The following ZC3H12C variants were observed in gnomAD, a reference collection of about 807,000 sequenced individuals.
The protein encoded by ZC3H12C is probable ribonuclease ZC3H12C.
Under a neutral mutation model 76.3 loss-of-function variants are expected in ZC3H12C, and 20 were observed. That is an observed-to-expected ratio of 0.26 (90% CI 0.18 to 0.38). The LOEUF (loss-of-function observed/expected upper bound fraction) is 0.38, where lower values mean the gene tolerates loss of function less well. ZC3H12C is among the 10% of genes least tolerant of loss of function. The probability of loss-of-function intolerance (pLI) is 1.00; values close to 1 mark genes in which losing one functional copy is unlikely to be tolerated. For synonymous variants in ZC3H12C, 352 were observed against 399.6 expected, an observed-to-expected ratio of 0.88 and a Z score of 1.42; for missense variants, 874 against 1,086.5, an observed-to-expected ratio of 0.80 and a Z score of 2.75.
chr11:110,140,313 C>T (rs2134180325), intron 2 of ZC3H12C, among the ~76,000 whole-genome samples: 1 of 152,222 alleles, frequency 6.6e-6, no homozygotes, highest in Admixed American at 6.5e-5. Context: ...CAAATTCTAG[C>T]GAGCTATCCA....
At chr11:110,126,122 G>A (rs1246588371) in intron 1 of ZC3H12C, among the ~76,000 whole-genome samples, 1 of 151,066 alleles carries the variant, frequency 6.6e-6, no homozygotes, top group Non-Finnish European at 1.5e-5. Flanking sequence ...TAGTTGCTTA[G>A]TATTTTTAGG....
At chr11:110,115,209 C>T (rs1861502955) in intron 1 of ZC3H12C, among the ~76,000 whole-genome samples, 1 of 152,038 alleles carries the variant, frequency 6.6e-6, no homozygotes, top group Non-Finnish European at 1.5e-5. Context: ...TGGGCTCAAG[C>T]GATCCTCCTG....
At chr11:110,110,383 G>C (rs560984487) in intron 1 of ZC3H12C, among the ~76,000 whole-genome samples, 5 of 152,190 alleles carry the variant, frequency 3.3e-5, no homozygotes, top group African/African-American at 9.6e-5. Context: ...AGTTGAGCCA[G>C]CACCTATGGC....
intron 1 of ZC3H12C, among the ~76,000 whole-genome samples, chr11:110,132,712 A>G (rs917599880): frequency 1.3e-5 from 2 of 152,142 alleles, no homozygotes; most frequent in African/African-American, 4.8e-5. Flanking sequence ...GGGAGTAAAA[A>G]CTGACCTACT....
chr11:110,101,878 T>G (rs1861223124), intron 1 of ZC3H12C, among the ~76,000 whole-genome samples: 1 of 152,116 alleles, frequency 6.6e-6, no homozygotes, highest in African/African-American at 2.4e-5. Flanking sequence ...CTACTATGTC[T>G]GTGCTCTATA....
At chr11:110,156,477 T>C (rs1862379094) in intron 3 of ZC3H12C, among the ~76,000 whole-genome samples, 1 of 152,246 alleles carries the variant, frequency 6.6e-6, no homozygotes, top group Admixed American at 6.5e-5. Context: ...TCCTAATTAA[T>C]GTCCTAACCT....
At chr11:110,130,962 A>T in intron 1 of ZC3H12C, 1 of 1,434,474 alleles carries the variant, frequency 7.0e-7, no homozygotes, top group South Asian at 1.3e-5. Flanking sequence ...ACTCGGTAAT[A>T]GGTTAAGCAA....
chr11:110,163,437 T>A (rs1038218608), intron 5 of ZC3H12C, 58 bp downstream of exon 5: 6 of 1,396,382 alleles, frequency 4.3e-6, no homozygotes, highest in Non-Finnish European at 5.8e-6. Context: ...ATTATTAAAC[T>A]TTTGTTAACA....
chr11:110,122,338 G>A (rs1191231864), intron 1 of ZC3H12C, among the ~76,000 whole-genome samples: 2 of 151,922 alleles, frequency 1.3e-5, no homozygotes, highest in African/African-American at 2.4e-5. Flanking sequence ...TATAAAATAC[G>A]CATTTTTGGT....
chr11:110,161,560 C>T (rs1862482595), intron 4 of ZC3H12C, among the ~76,000 whole-genome samples: 2 of 152,084 alleles, frequency 1.3e-5, no homozygotes, highest in African/African-American at 4.8e-5. Flanking sequence ...ATTTAATTCA[C>T]AAAAATAATT....
intron 1 of ZC3H12C, among the ~76,000 whole-genome samples, chr11:110,135,541 C>T (rs1861943000): frequency 6.9e-6 from 1 of 145,190 alleles, no homozygotes; most frequent in African/African-American, 2.5e-5. Flanking sequence ...ATAGTTCTTA[C>T]AATGAAGCAC....
rs1862635666 is a variant in ZC3H12C, at chr11:110,169,344, GT to G, written c.*3608del. 4 of 31,098 alleles carry G rather than the reference GT, an allele frequency of 1.3e-4. No individual in the cohort carries two copies. The highest frequency in any genetic ancestry group is 4.2e-4 in the African/African-American group (3 of 7,132). 1.9% of individuals were successfully genotyped at this position (31,098 alleles called of 1,614,324 possible). A position where few individuals can be genotyped will look rare whatever the true frequency, so the allele number is the denominator to read the frequency against. On this transcript the variant is annotated 3_prime_UTR_variant, in exon 6 of 6. Transcript: ENST00000278590. ...CAGGTGGGAGGATGGCTCTGGGTGT[GT>G]GTGTGTGTGTGTGTGTGTGTGTGTG...
chr11:110,135,065 G>A (rs1287615150), intron 1 of ZC3H12C, among the ~76,000 whole-genome samples: 1 of 152,084 alleles, frequency 6.6e-6, no homozygotes, highest in Non-Finnish European at 1.5e-5. Flanking sequence ...ATGTTGAAGA[G>A]CTTTAGAAAC....
chr11:110,153,348 C>T (rs1160065444), intron 3 of ZC3H12C, among the ~76,000 whole-genome samples: 6 of 152,030 alleles, frequency 3.9e-5, no homozygotes, highest in African/African-American at 1.4e-4. Context: ...CCACCACACG[C>T]AGCTTATTTT....
At chr11:110,119,564 A>G (rs753095281) in intron 1 of ZC3H12C, among the ~76,000 whole-genome samples, 4 of 152,168 alleles carry the variant, frequency 2.6e-5, no homozygotes, top group Non-Finnish European at 5.9e-5. Context: ...CCATGAGCAC[A>G]CCATGCACAC....
chr11:110,120,953 C>T (rs1861641134), intron 1 of ZC3H12C, among the ~76,000 whole-genome samples: 1 of 152,110 alleles, frequency 6.6e-6, no homozygotes, highest in Admixed American at 6.6e-5. Flanking sequence ...ACAGGTGAAA[C>T]TGTGGAGAAA....
chr11:110,152,373 A>G (rs746773344), intron 2 of ZC3H12C, among the ~76,000 whole-genome samples: 1 of 152,202 alleles, frequency 6.6e-6, no homozygotes, highest in Non-Finnish European at 1.5e-5. Context: ...CATTGTGAAC[A>G]TGTTTTTCCT....
At chr11:110,111,697 A>C (rs368825850) in intron 1 of ZC3H12C, among the ~76,000 whole-genome samples, 3 of 132,036 alleles carry the variant, frequency 2.3e-5, no homozygotes, top group African/African-American at 5.6e-5. Flanking sequence ...GGCCTGACTG[A>C]TTTTTTTTTT....
intron 1 of ZC3H12C, among the ~76,000 whole-genome samples, chr11:110,105,617 CT>C (rs1753762186): frequency 6.6e-6 from 1 of 151,900 alleles, no homozygotes; most frequent in Non-Finnish European, 1.5e-5. Flanking sequence ...TAATTCTTAC[CT>C]AGAGATGACT....
Sources: gnomAD v4.1 joint callset for allele counts (sites outside exome capture counted in the v4.1 genomes callset) on GRCh38, gnomAD v4.1.1 for gene constraint, MANE v1.5 for transcripts, NCBI Gene and HGNC (gene_info 2026-07-23, HGNC 2026-07-21) for gene names.